Variants in IL1RAPL2 observed in about 807,000 individuals in gnomAD.
IL1RAPL2 encodes interleukin 1 receptor accessory protein like 2, also known as X-linked interleukin-1 receptor accessory protein-like 2.
In IL1RAPL2, 3 loss-of-function variants were observed where a neutral mutation model predicts 44.1. That is an observed-to-expected ratio of 0.07 (90% CI 0.03 to 0.18). The LOEUF (loss-of-function observed/expected upper bound fraction) is 0.18, where lower values mean the gene tolerates loss of function less well. IL1RAPL2 is among the 10% of genes least tolerant of loss of function. IL1RAPL2 has a pLI of 1.00. For synonymous variants in IL1RAPL2, 181 were observed against 178.8 expected (o/e 1.01, Z -0.10); for missense variants, 391 against 496.4 (o/e 0.79, Z 2.02).
chrX:105,668,099 C>T (rs1294591633), intron 6 of IL1RAPL2, among the ~76,000 whole-genome samples: 5 of 106,151 alleles, frequency 4.7e-5, no homozygotes, highest in Non-Finnish European at 9.7e-5. Flanking sequence ...GACATTAGAA[C>T]GAGGGGGTAT....
chrX:105,274,098 C>T (rs2034467844), intron 5 of IL1RAPL2, among the ~76,000 whole-genome samples: 1 of 112,066 alleles, frequency 8.9e-6, no homozygotes, highest in South Asian at 3.7e-4. Context: ...AAATATTGGA[C>T]ACGATGTCTA....
At chrX:105,030,040 T>C (rs1417623772) in intron 2 of IL1RAPL2, among the ~76,000 whole-genome samples, 1 of 112,203 alleles carries the variant, frequency 8.9e-6, no homozygotes, top group Non-Finnish European at 1.9e-5. Flanking sequence ...TTTGGGGGCA[T>C]AAATGTCTTC....
intron 1 of IL1RAPL2, among the ~76,000 whole-genome samples, chrX:104,637,348 C>T (rs1929835940): frequency 9.0e-6 from 1 of 111,422 alleles, no homozygotes; most frequent in African/African-American, 3.3e-5. Context: ...CTAGTACTTC[C>T]AGTACCATCT....
chrX:104,904,750 C>T (rs1467311210), intron 2 of IL1RAPL2, among the ~76,000 whole-genome samples: 2 of 109,695 alleles, frequency 1.8e-5, no homozygotes, highest in Non-Finnish European at 3.8e-5. Flanking sequence ...GTGAATAATG[C>T]TGCAATAAAC....
At chrX:105,623,845 G>A (rs1375043751) in intron 6 of IL1RAPL2, among the ~76,000 whole-genome samples, 1 of 111,593 alleles carries the variant, frequency 9.0e-6, no homozygotes, top group African/African-American at 3.3e-5. Flanking sequence ...GAATCCAGGT[G>A]AAAGACAGAC....
At chrX:104,847,113 A>G (rs1164276855) in intron 2 of IL1RAPL2, among the ~76,000 whole-genome samples, 1 of 111,622 alleles carries the variant, frequency 9.0e-6, no homozygotes, top group Non-Finnish European at 1.9e-5. Flanking sequence ...AGATGAGTAT[A>G]TTGCAAAAAT....
intron 2 of IL1RAPL2, among the ~76,000 whole-genome samples, chrX:104,969,433 C>T (rs894945655): frequency 9.0e-6 from 1 of 110,940 alleles, no homozygotes. Context: ...ATAAAAGAGA[C>T]TAACTTTATG....
intron 2 of IL1RAPL2, among the ~76,000 whole-genome samples, chrX:105,165,479 T>A (rs1261718736): frequency 1.8e-5 from 2 of 111,893 alleles, no homozygotes; most frequent in South Asian, 7.5e-4. Context: ...GGTGACAATT[T>A]CATAAATGAT....
In IL1RAPL2 at chrX:105,219,488, C is replaced by T. The variant is rs1300539368; in HGVS notation, c.357-14330C>T. 4 of 1,210,202 alleles carry T rather than the reference C, an allele frequency of 3.3e-6. No individual in the cohort carries two copies. The African/African-American group carries it at 6.9e-5, about 21-fold the overall frequency. ...ATTCTCTCCAGCTTCTCTGTGGTCT[C>T]CATGGAGGCAGCCCTGGCCTCCACG... On this transcript the variant is annotated intron_variant, in intron 3 of 10. Transcript: ENST00000372582.
At chrX:105,574,204 G>A (rs1379755026) in intron 6 of IL1RAPL2, among the ~76,000 whole-genome samples, 7 of 112,104 alleles carry the variant, frequency 6.2e-5, no homozygotes, top group Non-Finnish European at 9.4e-5. Context: ...AGTGACTGGG[G>A]AGGATGGCAA....
At chrX:104,804,703 A>G (rs1299984547) in intron 2 of IL1RAPL2, among the ~76,000 whole-genome samples, 1 of 112,206 alleles carries the variant, frequency 8.9e-6, no homozygotes, top group African/African-American at 3.2e-5. Context: ...TGAGTGGTAA[A>G]TTTAGGATAT....
At chrX:104,677,041 A>G (rs1930779777) in intron 2 of IL1RAPL2, among the ~76,000 whole-genome samples, 1 of 111,306 alleles carries the variant, frequency 9.0e-6, no homozygotes, top group Non-Finnish European at 1.9e-5. Flanking sequence ...CTTTGGTTTG[A>G]ATGTCCTCCC....
intron 8 of IL1RAPL2, 117 bp from the exon 9 acceptor site, chrX:105,748,843 C>A: frequency 1.4e-6 from 1 of 699,444 alleles, no homozygotes; most frequent in Non-Finnish European, 2.1e-6. Flanking sequence ...CTGCATTAAG[C>A]AAGAATTTTC....
chrX:105,400,091 T>C (rs981665261), intron 5 of IL1RAPL2, among the ~76,000 whole-genome samples: 4 of 111,811 alleles, frequency 3.6e-5, no homozygotes, highest in Non-Finnish European at 7.6e-5. Flanking sequence ...CTAAATCGTG[T>C]ATTACCTTAC....
intron 4 of IL1RAPL2, among the ~76,000 whole-genome samples, chrX:105,246,490 G>C (rs920327076): frequency 3.6e-5 from 4 of 111,538 alleles, no homozygotes; most frequent in Non-Finnish European, 5.7e-5. Flanking sequence ...AAAATCAGGG[G>C]TTTATATAGC....
intron 2 of IL1RAPL2, among the ~76,000 whole-genome samples, chrX:105,104,458 G>A (rs1317610845): frequency 8.9e-6 from 1 of 111,783 alleles, no homozygotes; most frequent in Non-Finnish European, 1.9e-5. Flanking sequence ...GAAATCTGGT[G>A]AGTGTAACTG....
chrX:105,014,361 C>T lies in IL1RAPL2; in HGVS notation c.83-181114C>T, dbSNP rs546337937. 4.5e-5 allele frequency among the ~76,000 whole-genome samples: 5 copies of T among 110,564 alleles called. No individual in the cohort carries two copies. The South Asian group carries it at 1.2e-3, about 26-fold the overall frequency. ...TAAGTTCTGAGATACATGTGCAGAA[C>T]GTTGAGGTTTGTTACATAGGTATAC... On this transcript the variant is annotated intron_variant, in intron 2 of 10. Transcript: ENST00000372582.
intron 2 of IL1RAPL2, among the ~76,000 whole-genome samples, chrX:104,842,863 C>A (rs768211346): frequency 2.7e-5 from 3 of 112,651 alleles, no homozygotes; most frequent in Non-Finnish European, 5.6e-5. Flanking sequence ...TCAGGAGGCA[C>A]GGGGGTCAGG....
Position 105,348,488 on chromosome X carries a change from A to G in IL1RAPL2, c.697+80947A>G, listed in dbSNP as rs145623227. Among the ~76,000 whole-genome samples, 398 of 112,108 alleles carry G rather than the reference A, an allele frequency of 3.6e-3. 7 individuals are homozygous for G. The East Asian group carries it at 0.037, about 10-fold the overall frequency. ...TAGAACACTGTCTGGCATATGGTAA[A>G]TACCATGTAAGTGTAAACTATTATT... On this transcript the variant is annotated intron_variant, in intron 5 of 10. Transcript: ENST00000372582.
Sources: gnomAD v4.1 joint callset for allele counts (sites outside exome capture counted in the v4.1 genomes callset) on GRCh38, gnomAD v4.1.1 for gene constraint, MANE v1.5 for transcripts, NCBI Gene and HGNC (gene_info 2026-07-23, HGNC 2026-07-21) for gene names.